RAP1GAP2: variants seen among roughly 807,000 people sequenced by gnomAD.
RAP1GAP2 encodes rap1 GTPase-activating protein 2.
A neutral mutation model predicts 95.0 loss-of-function variants in RAP1GAP2; 27 were observed. The ratio of observed to expected loss-of-function variants is 0.28; its 90% CI spans 0.21 to 0.39. The LOEUF is 0.39. RAP1GAP2 is among the 10% of genes least tolerant of loss of function. The pLI is 1.00. For synonymous variants in RAP1GAP2, 373 were observed against 380.9 expected (o/e 0.98, Z 0.24); for missense variants, 771 against 970.0 (o/e 0.79, Z 2.72).
At position 2,867,867 on chromosome 17, in the gene RAP1GAP2, G is replaced by C. The variant is rs182320439; in HGVS notation, c.81-37417G>C. Among the ~76,000 whole-genome samples, 3 of 152,262 alleles carry C rather than the reference G, an allele frequency of 2.0e-5. No homozygotes were observed. On this transcript the variant is annotated intron_variant, in intron 2 of 24. Coordinates refer to ENST00000254695, the MANE Select transcript of RAP1GAP2 (RefSeq NM_015085.5). This position sits in a 1 kb window ranked among gnomAD's most constrained non-coding sequence, Gnocchi z 4.5. ...TGCAGCTGCTGGTACCCTCCCAGAC[G>C]CAAGGAGGCTTCCTTCTGCCTTGGC...
intron 8 of RAP1GAP2, among the ~76,000 whole-genome samples, chr17:2,972,008 A>G (rs1432923966): frequency 2.6e-5 from 4 of 152,240 alleles, no homozygotes; most frequent in African/African-American, 4.8e-5. Context: ...AGAAGATTAA[A>G]TGATTACTAA....
Position 2,807,094 on chromosome 17 carries a change from G to A in RAP1GAP2, c.80+6544G>A, listed in dbSNP as rs535675370. Among the ~76,000 whole-genome samples the A allele has an allele frequency of 1.6e-4, 25 of 152,146 alleles. No homozygotes were observed. In the South Asian group the frequency reaches 3.7e-3, roughly 23 times the overall value. ...GTATTTTTAGTAGAGACGGGGTTTC[G>A]CCGTGTTGGCCAGGCTGGTCTCAAA... On this transcript the variant is annotated intron_variant, in intron 2 of 24. Coordinates refer to ENST00000254695, the MANE Select transcript of RAP1GAP2 (RefSeq NM_015085.5).
chr17:2,774,221 C>T (rs954172151), upstream of RAP1GAP2, among the ~76,000 whole-genome samples: 24 of 152,102 alleles, frequency 1.6e-4, no homozygotes, highest in Non-Finnish European at 1.3e-4. Flanking sequence ...CCAAAGAAAA[C>T]GCTTACATTT....
chr17:2,868,341 A>G lies in RAP1GAP2; in HGVS notation c.81-36943A>G, dbSNP rs138010761. On this transcript the variant is annotated intron_variant, in intron 2 of 24. Coordinates refer to ENST00000254695, the MANE Select transcript of RAP1GAP2 (RefSeq NM_015085.5). ...CTCTAGATGGCAAAAACACGACTGCAGAAGGGCAGAGGAGCGGCCTCAGGA... is the reference window on the plus strand; with the variant it reads ...CTCTAGATGGCAAAAACACGACTGCGGAAGGGCAGAGGAGCGGCCTCAGGA... Among the ~76,000 whole-genome samples, 10 of 152,314 alleles carry G rather than the reference A, an allele frequency of 6.6e-5. No homozygotes were observed. In the East Asian group the frequency reaches 1.9e-3, roughly 29 times the overall value.
At chr17:2,995,705 G>A (rs899585220) in intron 13 of RAP1GAP2, among the ~76,000 whole-genome samples, 1 of 152,260 alleles carries the variant, frequency 6.6e-6, no homozygotes, top group Non-Finnish European at 1.5e-5. Flanking sequence ...TGGGCGGGAG[G>A]CGGGGCAGAG....
chr17:2,756,109 C>A (rs2071137486), intron 1 of RAP1GAP2, among the ~76,000 whole-genome samples: 1 of 152,262 alleles, frequency 6.6e-6, no homozygotes, highest in African/African-American at 2.4e-5. Flanking sequence ...TTCCCCTTCG[C>A]CCCCTTCAGG....
intron 2 of RAP1GAP2, among the ~76,000 whole-genome samples, chr17:2,828,866 G>A (rs191850887): frequency 9.9e-5 from 15 of 152,066 alleles, no homozygotes; most frequent in Middle Eastern, 3.4e-3. Flanking sequence ...CCCGGTTTCT[G>A]GGTATCTGTG....
At chr17:2,881,865 A>G (rs1338851414) in intron 2 of RAP1GAP2, among the ~76,000 whole-genome samples, 3 of 151,974 alleles carry the variant, frequency 2.0e-5, no homozygotes, top group African/African-American at 2.4e-5. Context: ...ATGTCGCCCA[A>G]GCTGGAGTGC....
intron 2 of RAP1GAP2, among the ~76,000 whole-genome samples, chr17:2,896,551 T>C (rs2041831725): frequency 6.6e-6 from 1 of 152,302 alleles, no homozygotes; most frequent in African/African-American, 2.4e-5. Flanking sequence ...CACGCATCAG[T>C]TCTAAAAGCT....
At chr17:2,794,007 G>T (rs1291060323), upstream of RAP1GAP2, among the ~76,000 whole-genome samples, 1 of 151,834 alleles carries the variant, frequency 6.6e-6, no homozygotes, top group Admixed American at 6.6e-5. Flanking sequence ...GCTGAGGCAG[G>T]GGAATCACTT....
chr17:3,011,688 C>T (rs1428746478), intron 17 of RAP1GAP2, among the ~76,000 whole-genome samples: 8 of 144,252 alleles, frequency 5.5e-5, no homozygotes, highest in Admixed American at 1.4e-4. Context: ...GGTGCGACCT[C>T]GGCTCACTGC....
chr17:3,009,021 A>G (rs1247084365), intron 17 of RAP1GAP2, among the ~76,000 whole-genome samples: 1 of 152,084 alleles, frequency 6.6e-6, no homozygotes, highest in African/African-American at 2.4e-5. Flanking sequence ...TTAGAAGGTG[A>G]TTTGGAAACT....
intron 3 of RAP1GAP2, among the ~76,000 whole-genome samples, chr17:2,931,519 C>T (rs2043155613): frequency 6.6e-6 from 1 of 152,202 alleles, no homozygotes; most frequent in Admixed American, 6.5e-5. Flanking sequence ...TGCCCCAGCA[C>T]CCCCTTCTTC....
intron 8 of RAP1GAP2, among the ~76,000 whole-genome samples, chr17:2,976,401 T>C (rs571019347): frequency 9.9e-5 from 15 of 152,266 alleles, no homozygotes; most frequent in African/African-American, 3.6e-4. Flanking sequence ...ACAATTAAAA[T>C]ACTGGAGGGG....
intron 4 of RAP1GAP2, among the ~76,000 whole-genome samples, chr17:2,959,156 G>A (rs538183917): frequency 2.1e-4 from 32 of 152,184 alleles, no homozygotes; most frequent in South Asian, 1.2e-3. Flanking sequence ...CCTTCTCTCC[G>A]GTTGCTCCTC....
At position 2,969,496 on chromosome 17, in the gene RAP1GAP2, C is replaced by CTTTTTTTTTTTTTTTTTTTTTTTTT. The variant is rs34468461; in HGVS notation, c.596+3876_596+3877insTTTTTTTTTTTTTTTTTTTTTTTTT. Reference sequence around the variant, plus strand: ...GTAAAGATGTGTAAATATATATATTCTTTTTTTTTTTTTTTTTTTTTTTGA... The same window carrying CTTTTTTTTTTTTTTTTTTTTTTTTT: ...GTAAAGATGTGTAAATATATATATTCTTTTTTTTTTTTTTTTTTTTTTTTTTTTTTTTTTTTTTTTTTTTTTTTGA... On this transcript the variant is annotated intron_variant, in intron 8 of 24. Transcript: ENST00000254695. 6.0e-5 allele frequency among the ~76,000 whole-genome samples: 5 copies of CTTTTTTTTTTTTTTTTTTTTTTTTT among 83,782 alleles called. 1 individual carries two copies. The highest frequency in any genetic ancestry group is 2.3e-4 in the African/African-American group (5 of 21,968). 55.0% of individuals were successfully genotyped at this position (83,782 alleles called of 152,430 possible). A position where few individuals can be genotyped will look rare whatever the true frequency, so the allele number is the denominator to read the frequency against.
chr17:2,954,250 GCC>G (rs1567817898), intron 3 of RAP1GAP2, among the ~76,000 whole-genome samples: 1 of 151,378 alleles, frequency 6.6e-6, no homozygotes, highest in Non-Finnish European at 1.5e-5. Flanking sequence ...GATTACAGGC[GCC>G]CGCCACCATG....
At chr17:2,919,193 G>A (rs575904343) in intron 3 of RAP1GAP2, among the ~76,000 whole-genome samples, 3 of 152,278 alleles carry the variant, frequency 2.0e-5, no homozygotes, top group African/African-American at 7.2e-5. Flanking sequence ...GCCCTTGAGG[G>A]TCTTGGAAAA....
chr17:2,848,110 G>C (rs568672133), intron 2 of RAP1GAP2, among the ~76,000 whole-genome samples: 1 of 152,202 alleles, frequency 6.6e-6, no homozygotes, highest in African/African-American at 2.4e-5. Context: ...TTGACATCAC[G>C]TACTGCAGGC....
Sources: allele counts gnomAD v4.1 joint callset (sites outside exome capture counted in the v4.1 genomes callset), GRCh38; gene constraint gnomAD v4.1.1; non-coding constraint Gnocchi (gnomAD v3.1); transcripts MANE v1.5; gene names NCBI Gene and HGNC (gene_info 2026-07-23, HGNC 2026-07-21).